DPYSL4: variants seen among roughly 807,000 people sequenced by gnomAD.
DPYSL4 encodes the protein dihydropyrimidinase-related protein 4.
Under a neutral mutation model 63.4 loss-of-function variants are expected in DPYSL4, and 43 were observed. That is an observed-to-expected ratio of 0.68 (90% CI 0.53 to 0.88). DPYSL4 has a LOEUF of 0.88. DPYSL4 is among the 40% of genes least tolerant of loss of function. DPYSL4 has a pLI of 0.00. For synonymous variants in DPYSL4, 353 were observed against 331.7 expected, an observed-to-expected ratio of 1.06 and a Z score of -0.70; for missense variants, 733 against 819.5, an observed-to-expected ratio of 0.89 and a Z score of 1.29.
At position 132,192,680 on chromosome 10, in the gene DPYSL4, G is replaced by A. The variant is rs200150703; in HGVS notation, c.151G>A (p.Val51Ile). 56 of 1,608,672 alleles carry A rather than the reference G, an allele frequency of 3.5e-5. No individual in the cohort carries two copies. Among genetic ancestry groups the A allele is most frequent in the African/African-American group, 1.3e-4 (10 of 74,622 alleles). The change falls in exon 3 of 14, where the codon GTC becomes ATC. Residue 51 changes from valine to isoleucine, a missense_variant. Physicochemically the swap from Val to Ile is conservative, Grantham distance 29. Transcript: ENST00000338492. The part of the protein sequence containing the change: ...LIKQIGENLI[V>I]PGGIKTIDAH... ...CAGACAAATCGGAGAAAACCTCATC[G>A]TCCCTGGGGGCATCAAGACCATTGA...
intron 3 of DPYSL4, among the ~76,000 whole-genome samples, chr10:132,193,644 G>T (rs2061905463): frequency 6.6e-6 from 1 of 152,254 alleles, no homozygotes; most frequent in African/African-American, 2.4e-5. Context: ...GAGGAGCCTA[G>T]CTGAACCTGG....
rs936989590 is a variant in DPYSL4 at position 132,200,241 on chromosome 10, G to T, written c.812-115G>T. The T allele has an allele frequency of 9.7e-6, 13 of 1,344,808 alleles. No individual in the cohort carries two copies. The Admixed American group carries it at 2.1e-4, about 21-fold the overall frequency. The allele number at this position is 1,344,808 out of a possible 1,614,324, so 83.3% of individuals were successfully genotyped here. A position where few individuals can be genotyped will look rare whatever the true frequency, so the allele number is the denominator to read the frequency against. On this transcript the variant is annotated intron_variant, in intron 8 of 13. Coordinates refer to ENST00000338492, the MANE Select transcript of DPYSL4 (RefSeq NM_006426.3). Reference sequence around the variant, plus strand: ...GCCAGGGACTCTAGACTGGGCACAAGCTGTCCCAGGCAAGGAAAGTGAGGG... The same window carrying T: ...GCCAGGGACTCTAGACTGGGCACAATCTGTCCCAGGCAAGGAAAGTGAGGG...
At position 132,204,973 on chromosome 10, in the gene DPYSL4, G is replaced by A. The variant is rs1005940708; in HGVS notation, c.*43G>A. 6.5e-7 allele frequency: 1 copy of A among 1,527,278 alleles called. No homozygotes were observed. Among genetic ancestry groups the A allele is most frequent in the South Asian group, 1.2e-5 (1 of 81,320 alleles). The allele number at this position is 1,527,278 out of a possible 1,614,324, so 94.6% of individuals were successfully genotyped here. ...TGTGAGCCGTGCTGGCCCCACCCGAGGCCGCGGGGGCCCCAGGGCACTCGC... is the reference window on the plus strand; with the variant it reads ...TGTGAGCCGTGCTGGCCCCACCCGAAGCCGCGGGGGCCCCAGGGCACTCGC... On this transcript the variant is annotated 3_prime_UTR_variant, in exon 14 of 14. Transcript: ENST00000338492.
intron 12 of DPYSL4, 76 bp downstream of exon 12, chr10:132,202,901 G>A (rs1053562527): frequency 6.7e-7 from 1 of 1,498,564 alleles, no homozygotes; most frequent in African/African-American, 1.4e-5. Flanking sequence ...CGCACCCCTG[G>A]TCAACCTGGC....
chr10:132,196,776 A>G, intron 4 of DPYSL4, 85 bp from the exon 5 acceptor site: 1 of 1,502,718 alleles, frequency 6.7e-7, no homozygotes. Flanking sequence ...AAGACCCCCA[A>G]CCCTCCAGTG....
intron 10 of DPYSL4, among the ~76,000 whole-genome samples, chr10:132,201,209 C>G (rs540651693): frequency 3.2e-4 from 48 of 152,270 alleles, no homozygotes; most frequent in East Asian, 2.5e-3. Flanking sequence ...AGCCCCCCAC[C>G]CCTCAGCAGA....
chr10:132,192,982 C>A, intron 3 of DPYSL4, 140 bp downstream of exon 3: 1 of 852,062 alleles, frequency 1.2e-6, no homozygotes, highest in Non-Finnish European at 1.7e-6. Flanking sequence ...TGTCTGAGAA[C>A]CTGGAGTGCT....
intron 1 of DPYSL4, among the ~76,000 whole-genome samples, chr10:132,190,101 CT>C (rs2137499221): frequency 6.6e-6 from 1 of 152,410 alleles, no homozygotes; most frequent in Admixed American, 6.5e-5. Flanking sequence ...CTCCCAGCCC[CT>C]CTCTCATGGC....
At chr10:132,189,653 T>C (rs1162429612) in intron 1 of DPYSL4, among the ~76,000 whole-genome samples, 2 of 152,158 alleles carry the variant, frequency 1.3e-5, no homozygotes, top group Non-Finnish European at 2.9e-5. Flanking sequence ...CCTGCCCTCC[T>C]GACTCCCAGC....
At position 132,186,994 on chromosome 10, in the gene DPYSL4, T is replaced by TCCGCCCC; in HGVS notation, c.-68_-67insGCCCCCC. 3 of 217,372 alleles carry TCCGCCCC rather than the reference T, an allele frequency of 1.4e-5. No homozygotes were observed. The highest frequency in any genetic ancestry group is 7.5e-5 in the South Asian group (1 of 13,406). The allele number at this position is 217,372 out of a possible 1,614,324, so 13.5% of individuals were successfully genotyped here. A position where few individuals can be genotyped will look rare whatever the true frequency, so the allele number is the denominator to read the frequency against. ...CCACGCACGCGTCCCGGCTCACGCG[T>TCCGCCCC]CCCCCCGCCCGCCCGCCCGCCCGCC... is the stretch of plus-strand genomic sequence containing the variant. On this transcript the variant is annotated 5_prime_UTR_variant, in exon 1 of 14. Transcript: ENST00000338492.
intron 1 of DPYSL4, among the ~76,000 whole-genome samples, chr10:132,190,009 C>T (rs192159056): frequency 6.6e-6 from 1 of 152,234 alleles, no homozygotes; most frequent in East Asian, 1.9e-4. Flanking sequence ...TTTCCTGCCC[C>T]AAGGCCAGGC....
At position 132,190,714 on chromosome 10, in the gene DPYSL4, T is replaced by C. The variant is rs188652417; in HGVS notation, c.40-33T>C. 1.0e-4 allele frequency: 159 copies of C among 1,596,794 alleles called. No homozygotes were observed. The East Asian group carries it at 3.2e-3, about 32-fold the overall frequency. ...AAGAGTGTTACTGAGTAACTCAGTT[T>C]GGAGAAAAATTACCCTTTGTTGTTC... On this transcript the variant is annotated intron_variant, in intron 1 of 13. Coordinates refer to ENST00000338492, the MANE Select transcript of DPYSL4 (RefSeq NM_006426.3).
chr10:132,199,170 GAGC>G (rs2137517297), intron 8 of DPYSL4, among the ~76,000 whole-genome samples, 199 bp downstream of exon 8: 1 of 152,298 alleles, frequency 6.6e-6, no homozygotes, highest in South Asian at 2.1e-4. Flanking sequence ...AGCCTTGCTG[GAGC>G]AGCAGCTGCT....
intron 12 of DPYSL4, 75 bp downstream of exon 12, chr10:132,202,900 G>A (rs2062038897): frequency 6.7e-7 from 1 of 1,498,208 alleles, no homozygotes; most frequent in Non-Finnish European, 8.9e-7. Context: ...ACGCACCCCT[G>A]GTCAACCTGG....
chr10:132,191,132 A>G (rs1327299271), intron 2 of DPYSL4, among the ~76,000 whole-genome samples: 1 of 100,668 alleles, frequency 9.9e-6, no homozygotes, highest in African/African-American at 3.2e-5. Context: ...GGCAGTTGAA[A>G]GTATGTTCCC....
chr10:132,187,138 C>G, intron 1 of DPYSL4, 36 bp downstream of exon 1: 1 of 1,502,970 alleles, frequency 6.7e-7, no homozygotes. Context: ...CGCCCCCTGC[C>G]CGCCGCCCGG....
chr10:132,193,267 AAGGATGGAGACTGTATT>A (rs1356985502), intron 3 of DPYSL4, among the ~76,000 whole-genome samples: 1 of 152,254 alleles, frequency 6.6e-6, no homozygotes, highest in Non-Finnish European at 1.5e-5. Flanking sequence ...AAGAAGAGTT[AAGGATGGAGACTGTATT>A]TTTAGAAAAA....
rs11146247 is a variant in DPYSL4 at position 132,203,310 on chromosome 10, C to T, written c.1462-452C>T. Among the ~76,000 whole-genome samples, 545 of 152,130 alleles carry T rather than the reference C, an allele frequency of 3.6e-3. 5 individuals are homozygous for T. The highest frequency in any genetic ancestry group is 0.013 in the African/African-American group (534 of 41,488). On this transcript the variant is annotated intron_variant, in intron 12 of 13. Transcript: ENST00000338492. ...CCCCCCATGGCCTTCCAGTCTCTTACTGTGGTGACGCCACGCTTGCCCGGC... is the reference window on the plus strand; with the variant it reads ...CCCCCCATGGCCTTCCAGTCTCTTATTGTGGTGACGCCACGCTTGCCCGGC...
Position 132,202,764 on chromosome 10 carries a change from G to A in DPYSL4, c.1400G>A (p.Arg467His), listed in dbSNP as rs779112435. Reference sequence around the variant, plus strand: ...ATGTTTGTCACCCCGGGGGCGGGCCGCTTCGTCCCTCGGAAAACATTCCCG... The same window carrying A: ...ATGTTTGTCACCCCGGGGGCGGGCCACTTCGTCCCTCGGAAAACATTCCCG... ...GKMFVTPGAG[R>H]FVPRKTFPDF... is the part of the protein sequence containing the mutation. The change falls in exon 12 of 14, where the codon CGC becomes CAC. Residue 467 changes from arginine to histidine, a missense_variant. Physicochemically the swap from Arg to His is conservative, Grantham distance 29. Coordinates refer to ENST00000338492, the MANE Select transcript of DPYSL4 (RefSeq NM_006426.3). 6.8e-6 allele frequency: 11 copies of A among 1,612,430 alleles called. No individual in the cohort carries two copies. The highest frequency in any genetic ancestry group is 1.3e-5 in the African/African-American group (1 of 74,928).
Sources: gnomAD v4.1 joint callset for allele counts (sites outside exome capture counted in the v4.1 genomes callset) on GRCh38, gnomAD v4.1.1 for gene constraint, MANE v1.5 for transcripts, NCBI Gene and HGNC (gene_info 2026-07-23, HGNC 2026-07-21) for gene names.